Variants in LRP1B observed in about 807,000 individuals in gnomAD.
The protein encoded by LRP1B is LDL receptor related protein 1B, also known as low-density lipoprotein receptor-related protein 1B.
In LRP1B, 217 loss-of-function variants were observed where a neutral mutation model predicts 556.6. The ratio of observed to expected loss-of-function variants is 0.39; its 90% CI spans 0.35 to 0.44. The LOEUF (loss-of-function observed/expected upper bound fraction) is 0.44. Among genes scored for constraint, LRP1B ranks in the 20% least tolerant of loss-of-function variants. The probability of loss-of-function intolerance (pLI) is 1.00; values close to 1 mark genes in which losing one functional copy is unlikely to be tolerated. For synonymous variants in LRP1B, 2,047 were observed against 1,865.8 expected (o/e 1.10, Z -2.50); for missense variants, 5,053 against 5,620.8 (o/e 0.90, Z 3.23).
intron 1 of LRP1B, among the ~76,000 whole-genome samples, chr2:142,092,258 T>C (rs1169092656): frequency 6.6e-6 from 1 of 152,210 alleles, no homozygotes; most frequent in African/African-American, 2.4e-5. Flanking sequence ...ATTTAATAAA[T>C]TCTTATAAAT....
chr2:141,500,376 G>A (rs1475350064), intron 2 of LRP1B, among the ~76,000 whole-genome samples: 1 of 152,036 alleles, frequency 6.6e-6, no homozygotes, highest in Non-Finnish European at 1.5e-5. Context: ...GTGTGCATAC[G>A]AAAATAAACC....
At chr2:141,167,569 C>A (rs1201966344) in intron 7 of LRP1B, among the ~76,000 whole-genome samples, 1 of 151,646 alleles carries the variant, frequency 6.6e-6, no homozygotes, top group African/African-American at 2.4e-5. Flanking sequence ...CAGGTACTAT[C>A]TATATATGAC....
chr2:140,361,860 T>C (rs1164853092), intron 72 of LRP1B, among the ~76,000 whole-genome samples: 1 of 151,588 alleles, frequency 6.6e-6, no homozygotes. Context: ...TTCAAGCATC[T>C]AATGCCTACT....
intron 2 of LRP1B, among the ~76,000 whole-genome samples, chr2:141,544,336 TCTTCTTCTTCTTC>T (rs1685432655): frequency 7.8e-5 from 6 of 76,982 alleles, no homozygotes; most frequent in African/African-American, 2.4e-4. Flanking sequence ...TTCTTCTTCT[TCTTCTTCTTCTTC>T]TTCTTCTTCT....
At chr2:141,247,181 A>T in intron 5 of LRP1B, 45 bp downstream of exon 5, 1 of 1,609,164 alleles carries the variant, frequency 6.2e-7, no homozygotes, top group East Asian at 2.2e-5. Flanking sequence ...GTAAAAAGGA[A>T]ACAAGTAATT....
chr2:140,896,050 C>A (rs1213065590), intron 23 of LRP1B, among the ~76,000 whole-genome samples: 6 of 152,042 alleles, frequency 3.9e-5, no homozygotes, highest in African/African-American at 1.4e-4. Flanking sequence ...AGGGTGGGGA[C>A]CTCACGGGGA....
At chr2:141,309,511 T>C (rs970145476) in intron 3 of LRP1B, among the ~76,000 whole-genome samples, 1 of 152,204 alleles carries the variant, frequency 6.6e-6, no homozygotes, top group Non-Finnish European at 1.5e-5. Context: ...GATTCCACTC[T>C]CATGAATGGG....
intron 53 of LRP1B, among the ~76,000 whole-genome samples, chr2:140,506,383 T>A (rs1487684390): frequency 6.6e-6 from 1 of 151,936 alleles, no homozygotes; most frequent in East Asian, 1.9e-4. Context: ...TAGCTGGGAT[T>A]ACAGGCATGG....
At chr2:140,404,723 T>C (rs1017590469) in intron 66 of LRP1B, among the ~76,000 whole-genome samples, 1 of 152,060 alleles carries the variant, frequency 6.6e-6, no homozygotes, top group South Asian at 2.1e-4. Flanking sequence ...AAACTCAAGA[T>C]AAGGGGTAAA....
At position 140,716,058 on chromosome 2, in the gene LRP1B, C is replaced by T. The variant is rs2105461743; in HGVS notation, c.5938G>A (p.Ala1980Thr). ...TDHGFNLIEV[A>T]RLNGSFRYVI... is the part of the protein sequence containing the mutation. ...TAACGGAAAGAACCATTGAGTCTTG[C>T]AACTTCAATTAAGTTGAAACCATGA... is the stretch of plus-strand genomic sequence containing the variant. Residue 1980 changes from alanine to threonine, a missense_variant, in exon 37 of 91, where the codon GCA becomes ACA. Ala to Thr is a moderately conservative substitution (Grantham distance 58). Coordinates refer to ENST00000389484, the MANE Select transcript of LRP1B (RefSeq NM_018557.3). The T allele has an allele frequency of 6.2e-7, 1 of 1,607,918 alleles. No homozygotes were observed. The highest frequency in any genetic ancestry group is 8.5e-7 in the Non-Finnish European group (1 of 1,175,214).
intron 41 of LRP1B, among the ~76,000 whole-genome samples, chr2:140,688,748 C>A (rs1686136706): frequency 6.6e-6 from 1 of 152,178 alleles, no homozygotes; most frequent in Non-Finnish European, 1.5e-5. Context: ...TGAGCCAGTT[C>A]TCATGTGGAA....
intron 2 of LRP1B, among the ~76,000 whole-genome samples, chr2:141,732,657 C>T (rs948413610): frequency 3.9e-5 from 6 of 151,938 alleles, no homozygotes; most frequent in Admixed American, 6.6e-5. Context: ...AGAAAATGAT[C>T]GTGAGTAGCT....
intron 1 of LRP1B, among the ~76,000 whole-genome samples, chr2:142,115,600 G>T: frequency 6.1e-5 from 2 of 32,788 alleles, no homozygotes; most frequent in African/African-American, 1.0e-4. Context: ...TATTATATAT[G>T]TAATATATAT....
chr2:141,624,335 G>A (rs749177232), intron 2 of LRP1B, among the ~76,000 whole-genome samples: 17 of 151,982 alleles, frequency 1.1e-4, no homozygotes, highest in Non-Finnish European at 1.6e-4. Flanking sequence ...TTTTATACAC[G>A]GTGAGAATGA....
chr2:141,082,994 T>G (rs1182563231), intron 7 of LRP1B, among the ~76,000 whole-genome samples: 1 of 152,108 alleles, frequency 6.6e-6, no homozygotes, highest in African/African-American at 2.4e-5. Context: ...GACCCAAGAG[T>G]AACAAATATA....
intron 1 of LRP1B, among the ~76,000 whole-genome samples, chr2:141,910,733 G>A (rs1450753994): frequency 2.0e-5 from 3 of 152,122 alleles, no homozygotes; most frequent in East Asian, 1.9e-4. Flanking sequence ...TTTTCTATAC[G>A]ATTTTAATCA....
At chr2:141,904,360 G>C (rs773690651) in intron 1 of LRP1B, among the ~76,000 whole-genome samples, 1 of 151,836 alleles carries the variant, frequency 6.6e-6, no homozygotes, top group African/African-American at 2.4e-5. Context: ...TGATAGCAAG[G>C]GTGTGAGGCA....
At chr2:141,908,640 A>G (rs1699824331) in intron 1 of LRP1B, among the ~76,000 whole-genome samples, 1 of 152,090 alleles carries the variant, frequency 6.6e-6, no homozygotes, top group Non-Finnish European at 1.5e-5. Context: ...TGTAATAAAG[A>G]CCTCATTACA....
intron 2 of LRP1B, among the ~76,000 whole-genome samples, chr2:141,489,112 CTTTTTTTTTTT>C (rs70994433): frequency 6.6e-5 from 5 of 76,078 alleles, no homozygotes; most frequent in African/African-American, 5.8e-5. Flanking sequence ...TGATGCTTGG[CTTTTTTTTTTT>C]TTTTTTTTTT....
Sources: allele counts gnomAD v4.1 joint callset (sites outside exome capture counted in the v4.1 genomes callset), GRCh38; gene constraint gnomAD v4.1.1; transcripts MANE v1.5; gene names NCBI Gene and HGNC (gene_info 2026-07-23, HGNC 2026-07-21).